ZNF506: variants seen among roughly 807,000 people sequenced by gnomAD.
ZNF506 encodes the protein zinc finger protein 506.
ZNF506 carries 10 observed loss-of-function variants against 11.6 expected under a neutral mutation model. The observed-to-expected ratio is 0.86, with a 90% CI of 0.53 to 1.46. The LOEUF is 1.46. ZNF506 is among the 40% of genes most tolerant of loss of function. The pLI, the probability that ZNF506 is intolerant of heterozygous loss-of-function variation, is 0.00. For missense variants in ZNF506, 425 were observed against 521.2 expected (o/e 0.82, Z 1.80); for synonymous variants, 156 against 173.3 (o/e 0.90, Z 0.78).
chr19:19,795,927 A>G (rs941827545), intron 3 of ZNF506: 3 of 414,108 alleles, frequency 7.2e-6, no homozygotes, highest in African/African-American at 2.1e-5. Context: ...GAAAAAAAGA[A>G]AAGTCTGTTA....
chr19:19,799,513 C>G (rs12104313), intron 3 of ZNF506: 1 of 630,460 alleles, frequency 1.6e-6, no homozygotes, highest in Non-Finnish European at 2.8e-6. Context: ...AGATTACTTT[C>G]TATGACAAAA....
chr19:19,793,900 T>C lies in ZNF506; in HGVS notation c.*652A>G, dbSNP rs2062714908. 2 of 152,276 alleles carry C rather than the reference T, an allele frequency of 1.3e-5. No individual in the cohort carries two copies. Among genetic ancestry groups the C allele is most frequent in the African/African-American group, 4.8e-5 (2 of 41,460 alleles). 9.4% of individuals were successfully genotyped at this position (152,276 alleles called of 1,614,324 possible). ...TTCATACATTTCCAGGGTTTCACAT[T>C]AGTATAATTTATTTTTATGTATACA... On this transcript the variant is annotated 3_prime_UTR_variant, in exon 4 of 4. Coordinates refer to ENST00000540806, the MANE Select transcript of ZNF506 (RefSeq NM_001099269.3).
chr19:19,797,227 A>G (rs960937179), intron 3 of ZNF506: 2 of 152,158 alleles, frequency 1.3e-5, no homozygotes, highest in African/African-American at 4.8e-5. Context: ...GGGAAATCAG[A>G]TGAGGTCAGG....
rs558401096 is a variant in ZNF506, at chr19:19,801,912, T to A, written c.226+4119A>T. Among the ~76,000 whole-genome samples the A allele has an allele frequency of 4.2e-4, 48 of 114,632 alleles. No individual in the cohort carries two copies. In the South Asian group the frequency reaches 0.011, roughly 25 times the overall value. 75.2% of individuals were successfully genotyped at this position (114,632 alleles called of 152,430 possible). A position where few individuals can be genotyped will look rare whatever the true frequency, so the allele number is the denominator to read the frequency against. ...CATTGATGTATCATTTAAACAAACA[T>A]TGTTAGGCCAGCCAGGCGCAGTGGC... is the stretch of plus-strand genomic sequence containing the variant. On this transcript the variant is annotated intron_variant, in intron 3 of 3. Transcript: ENST00000540806.
chr19:19,819,877 T>C (rs2062956168), intron 1 of ZNF506, among the ~76,000 whole-genome samples: 1 of 152,078 alleles, frequency 6.6e-6, no homozygotes, highest in Non-Finnish European at 1.5e-5. Context: ...GACGGGCGGA[T>C]CACGAGGTCA....
Position 19,794,965 on chromosome 19 carries a change from T to C in ZNF506, c.922A>G (p.Thr308Ala), listed in dbSNP as rs2062726491. The change falls in exon 4 of 4, where the codon ACT (threonine) becomes GCT (alanine). Residue 308 changes from threonine (T) to alanine (A), a missense_variant. Thr to Ala is a moderately conservative substitution (Grantham distance 58). Coordinates refer to ENST00000540806, the MANE Select transcript of ZNF506 (RefSeq NM_001099269.3). ...TCACATTTGTAGGGTTTCTCTCCAG[T>C]ATGAATTATCTCATGTTTAGTAAGG... ...STLTKHEIIHTGEKPYKCEEC... is the reference protein window; with the variant it reads ...STLTKHEIIHAGEKPYKCEEC... The C allele has an allele frequency of 6.2e-7, 1 of 1,613,778 alleles. No individual in the cohort carries two copies. The highest frequency in any genetic ancestry group is 8.5e-7 in the Non-Finnish European group (1 of 1,180,006).
In ZNF506 at chr19:19,793,424, A is replaced by G. The variant is rs781166252; in HGVS notation, c.*1128T>C. On this transcript the variant is annotated 3_prime_UTR_variant, in exon 4 of 4. Transcript: ENST00000540806. Reference sequence around the variant, plus strand: ...AAAAAAAAGTCTTTCCAAATTCATTATATTTGCAGGACTCTTCTCCAATAT... The same window carrying G: ...AAAAAAAAGTCTTTCCAAATTCATTGTATTTGCAGGACTCTTCTCCAATAT... Among the ~76,000 whole-genome samples, 39 of 152,140 alleles carry G rather than the reference A, an allele frequency of 2.6e-4. No homozygotes were observed. The highest frequency in any genetic ancestry group is 4.9e-4 in the Non-Finnish European group (33 of 68,008).
Position 19,792,955 on chromosome 19 carries a change from CCT to C in ZNF506, c.*1595_*1596del, listed in dbSNP as rs2062705981. ...TATCATGCATCTTACATTTTAATGT[CCT>C]TATTCTTTTATAGAAAAGGTCATAA... On this transcript the variant is annotated 3_prime_UTR_variant, in exon 4 of 4. Transcript: ENST00000540806. Among the ~76,000 whole-genome samples, 1 of 152,090 alleles carries C rather than the reference CCT, an allele frequency of 6.6e-6. No homozygotes were observed.
intron 1 of ZNF506, among the ~76,000 whole-genome samples, chr19:19,810,090 T>G (rs751363349): frequency 6.6e-6 from 1 of 152,346 alleles, no homozygotes; most frequent in Non-Finnish European, 1.5e-5. Flanking sequence ...CCCCACTTTA[T>G]GTAGTGTGAT....
chr19:19,806,813 G>T, intron 2 of ZNF506, 129 bp downstream of exon 2: 1 of 1,176,356 alleles, frequency 8.5e-7, no homozygotes, highest in Non-Finnish European at 1.1e-6. Context: ...AAATTCTGAA[G>T]ATTTTTCTGG....
chr19:19,803,604 GGTGAACCCTA>G (rs1281330558), intron 3 of ZNF506, among the ~76,000 whole-genome samples: 2 of 152,166 alleles, frequency 1.3e-5, no homozygotes, highest in Non-Finnish European at 2.9e-5. Flanking sequence ...GCCAACTAAA[GGTGAACCCTA>G]GTGCAGACCC....
Position 19,807,079 on chromosome 19 carries a change from C to A in ZNF506, c.4-11G>T, listed in dbSNP as rs757590017. 1 of 1,612,540 alleles carries A rather than the reference C, an allele frequency of 6.2e-7. No individual in the cohort carries two copies. The highest frequency in any genetic ancestry group is 8.5e-7 in the Non-Finnish European group (1 of 1,179,336). ...AAATTGCAATGGTCCCTGAAAAAAA[C>A]ACACACACTTATTTTTACCAAGTGG... On this transcript the variant is annotated splice_polypyrimidine_tract_variant and intron_variant, in intron 1 of 3. Transcript: ENST00000540806.
At chr19:19,805,285 A>C (rs552280751) in intron 3 of ZNF506, among the ~76,000 whole-genome samples, 1 of 151,432 alleles carries the variant, frequency 6.6e-6, no homozygotes, top group Admixed American at 6.6e-5. Context: ...GAGGTAATAC[A>C]AAAAAAAAGA....
chr19:19,812,413 T>C (rs957574755), intron 1 of ZNF506, among the ~76,000 whole-genome samples: 1 of 152,250 alleles, frequency 6.6e-6, no homozygotes, highest in Admixed American at 6.5e-5. Flanking sequence ...TTACTAGCTC[T>C]TGGGTAAGAG....
At chr19:19,804,847 AC>A (rs1204254614) in intron 3 of ZNF506, among the ~76,000 whole-genome samples, 1 of 148,266 alleles carries the variant, frequency 6.7e-6, no homozygotes, top group African/African-American at 2.5e-5. Flanking sequence ...AAAACCAAAC[AC>A]CCCATGTTCT....
rs549883513 is a variant in ZNF506 at position 19,812,060 on chromosome 19, T to C, written c.4-4992A>G. On this transcript the variant is annotated intron_variant, in intron 1 of 3. Transcript: ENST00000540806. ...GAAGCTACTAGTTTATCTATTTGGGTCTCCAGATCTCCTCCTTGTTTATCA... is the reference window on the plus strand; with the variant it reads ...GAAGCTACTAGTTTATCTATTTGGGCCTCCAGATCTCCTCCTTGTTTATCA... Among the ~76,000 whole-genome samples the C allele has an allele frequency of 2.0e-5, 3 of 152,194 alleles. No individual in the cohort carries two copies. The East Asian group carries it at 5.8e-4, about 29-fold the overall frequency.
chr19:19,800,391 A>AATATATATATATATATTTATATATAT (rs1460340025), intron 3 of ZNF506, among the ~76,000 whole-genome samples: 2,748 of 139,082 alleles, frequency 0.02, 80 homozygotes, highest in East Asian at 0.1. Context: ...AACTAAACAG[A>AATATATATATATATATTTATATATAT]ATATATATAT....
chr19:19,808,086 T>C (rs2062849547), intron 1 of ZNF506, among the ~76,000 whole-genome samples: 1 of 142,432 alleles, frequency 7.0e-6, no homozygotes, highest in African/African-American at 2.6e-5. Flanking sequence ...GGGAGCTACT[T>C]AACCAAGTGA....
At chr19:19,807,613 TCTC>T (rs1409199430) in intron 1 of ZNF506, among the ~76,000 whole-genome samples, 1 of 152,070 alleles carries the variant, frequency 6.6e-6, no homozygotes, top group African/African-American at 2.4e-5. Flanking sequence ...TACAAGCAAT[TCTC>T]CTGCCTCAGC....
Sources: allele counts gnomAD v4.1 joint callset (sites outside exome capture counted in the v4.1 genomes callset), GRCh38; gene constraint gnomAD v4.1.1; transcripts MANE v1.5; gene names NCBI Gene and HGNC (gene_info 2026-07-23, HGNC 2026-07-21).